Variants in GPC3 observed in about 807,000 individuals in gnomAD.
GPC3 encodes the protein glypican 3, also known as glypican-3.
A neutral mutation model predicts 34.4 loss-of-function variants in GPC3; 3 were observed. That is an observed-to-expected ratio of 0.09 (90% confidence interval 0.04 to 0.23). The LOEUF (loss-of-function observed/expected upper bound fraction) is 0.23. GPC3 is among the 10% of genes least tolerant of loss of function. GPC3 has a pLI of 1.00. For missense variants in GPC3, 351 were observed against 445.6 expected (o/e 0.79, Z 1.91); for synonymous variants, 177 against 174.0 (o/e 1.02, Z -0.13).
chrX:133,626,002 A>T (rs1025366604), intron 6 of GPC3, among the ~76,000 whole-genome samples: 2 of 111,932 alleles, frequency 1.8e-5, no homozygotes, highest in African/African-American at 6.5e-5. Context: ...GCCCTTAGAA[A>T]TAATATCACA....
At chrX:133,889,691 CAGTA>C (rs1226736617) in intron 2 of GPC3, among the ~76,000 whole-genome samples, 6 of 109,132 alleles carry the variant, frequency 5.5e-5, no homozygotes, top group African/African-American at 2.0e-4. Flanking sequence ...ACTATGTGCT[CAGTA>C]AGTAATTATG....
chrX:133,564,630 T>C (rs944847179), intron 7 of GPC3, among the ~76,000 whole-genome samples: 2 of 111,475 alleles, frequency 1.8e-5, no homozygotes, highest in African/African-American at 6.5e-5. Flanking sequence ...TGATTTGGGG[T>C]AAGTTATATA....
In GPC3 at chrX:133,884,197, T is replaced by C. The variant is rs201694449; in HGVS notation, c.337+68853A>G. On this transcript the variant is annotated intron_variant, in intron 2 of 7. Transcript: ENST00000370818. ...ATTTCAAAGTTTCATGAGCAAAAGA[T>C]GTGCAGCCACTTAACTGCGTTTACC... Among the ~76,000 whole-genome samples, 7 of 111,746 alleles carry C rather than the reference T, an allele frequency of 6.3e-5. No individual in the cohort carries two copies. In the East Asian group the frequency reaches 1.7e-3, roughly 27 times the overall value.
At chrX:133,851,286 G>A (rs1569444959) in intron 2 of GPC3, among the ~76,000 whole-genome samples, 1 of 111,622 alleles carries the variant, frequency 9.0e-6, no homozygotes, top group Non-Finnish European at 1.9e-5. Context: ...TTCTCATTGT[G>A]CCAAGGCCTT....
rs184063679 is a variant in GPC3 at position 133,754,689 on chromosome X, T to C, written c.338-513A>G. On this transcript the variant is annotated intron_variant, in intron 2 of 7. Coordinates refer to ENST00000370818, the MANE Select transcript of GPC3 (RefSeq NM_004484.4). The stretch of plus-strand genomic sequence containing the variant: ...AGTTCCTAGCCAAGAATAAAAGCTA[T>C]CACGAATTTAATCATTTTGGTAGAT... 4.8e-3 allele frequency among the ~76,000 whole-genome samples: 533 copies of C among 112,155 alleles called. 3 individuals carry two copies. The highest frequency in any genetic ancestry group is 9.1e-3 in the Non-Finnish European group (486 of 53,278).
chrX:133,548,973 C>T (rs2069409485), intron 7 of GPC3, among the ~76,000 whole-genome samples: 1 of 111,340 alleles, frequency 9.0e-6, no homozygotes, highest in Non-Finnish European at 1.9e-5. Flanking sequence ...TGTAAATTGC[C>T]CAGGCTCAGG....
At chrX:133,538,692 A>AGG (rs1443175216) in intron 7 of GPC3, among the ~76,000 whole-genome samples, 1 of 102,720 alleles carries the variant, frequency 9.7e-6, no homozygotes, top group Non-Finnish European at 2.0e-5. Context: ...TTTTTGAGAC[A>AGG]GGGTCTTTCT....
chrX:133,938,172 C>A (rs1392190828), intron 2 of GPC3, among the ~76,000 whole-genome samples: 1 of 112,051 alleles, frequency 8.9e-6, no homozygotes, highest in East Asian at 2.8e-4. Context: ...TGAGCACTCA[C>A]TATATACTAG....
rs185331461 is a variant in GPC3, at chrX:133,560,100, A to G, written c.1574-23807T>C. On this transcript the variant is annotated intron_variant, in intron 7 of 7. Transcript: ENST00000370818. The stretch of plus-strand genomic sequence containing the variant: ...ATTGCCGTCAGTGTCCTGTCACCCA[A>G]GGTTCACTGTGAATTCACTCAGGGT... Among the ~76,000 whole-genome samples, 15 of 112,069 alleles carry G rather than the reference A, an allele frequency of 1.3e-4. No individual in the cohort carries two copies. In the East Asian group the frequency reaches 3.4e-3, roughly 25 times the overall value.
At chrX:133,675,377 G>A (rs1312467644) in intron 5 of GPC3, among the ~76,000 whole-genome samples, 1 of 111,133 alleles carries the variant, frequency 9.0e-6, no homozygotes, top group African/African-American at 3.3e-5. Context: ...TCTGGAATTC[G>A]TTTTGTTCCT....
chrX:133,861,750 T>G (rs1034509435), intron 2 of GPC3, among the ~76,000 whole-genome samples: 2 of 110,635 alleles, frequency 1.8e-5, no homozygotes, highest in Non-Finnish European at 3.8e-5. Flanking sequence ...GTGTGGCACC[T>G]CCTCTCCCTC....
intron 4 of GPC3, among the ~76,000 whole-genome samples, chrX:133,698,043 G>A (rs1193651741): frequency 1.8e-5 from 2 of 112,180 alleles, no homozygotes; most frequent in Non-Finnish European, 3.8e-5. Flanking sequence ...CAGAAGCTTG[G>A]TATCTGTAGA....
chrX:133,822,403 A>G (rs2075724006), intron 2 of GPC3, among the ~76,000 whole-genome samples: 1 of 112,134 alleles, frequency 8.9e-6, no homozygotes, highest in Non-Finnish European at 1.9e-5. Flanking sequence ...TGAAAAGGTG[A>G]AAGTTCTTAA....
intron 3 of GPC3, among the ~76,000 whole-genome samples, chrX:133,740,592 T>C (rs2071554953): frequency 9.0e-6 from 1 of 111,607 alleles, no homozygotes; most frequent in African/African-American, 3.3e-5. Flanking sequence ...ATTAATAATT[T>C]GTTAAGAGGA....
At chrX:133,646,083 C>CAA (rs199725073) in intron 6 of GPC3, among the ~76,000 whole-genome samples, 2 of 58,296 alleles carry the variant, frequency 3.4e-5, no homozygotes, top group Non-Finnish European at 4.0e-5. Context: ...AAAACAAAGA[C>CAA]AAAAAAAAAA....
chrX:133,693,088 G>A (rs1487896687), intron 4 of GPC3, among the ~76,000 whole-genome samples: 1 of 110,680 alleles, frequency 9.0e-6, no homozygotes, highest in African/African-American at 3.3e-5. Context: ...AGGGAGCAGG[G>A]TGGGGGACAA....
At chrX:133,748,105 G>A (rs2071628238) in intron 3 of GPC3, among the ~76,000 whole-genome samples, 1 of 111,825 alleles carries the variant, frequency 8.9e-6, no homozygotes. Context: ...TCCAGGAGAG[G>A]GATAAACATC....
chrX:133,646,105 G>T lies in GPC3; in HGVS notation c.1413+15625C>A, dbSNP rs190862642. On this transcript the variant is annotated intron_variant, in intron 6 of 7. Transcript: ENST00000370818. Reference sequence around the variant, plus strand: ...AGACAAAAAAAAAAAAAAAAAGATTGTGAGTCCCTAGAAGCCAAGGGCAGT... The same window carrying T: ...AGACAAAAAAAAAAAAAAAAAGATTTTGAGTCCCTAGAAGCCAAGGGCAGT... Among the ~76,000 whole-genome samples the T allele has an allele frequency of 5.4e-3, 568 of 105,527 alleles. 6 individuals carry two copies. The highest frequency in any genetic ancestry group is 0.019 in the African/African-American group (538 of 29,019). The allele number at this position is 105,527 out of a possible 115,157, so 91.6% of individuals were successfully genotyped here. A position where few individuals can be genotyped will look rare whatever the true frequency, so the allele number is the denominator to read the frequency against.
At chrX:133,670,674 A>G (rs1248711582) in intron 5 of GPC3, among the ~76,000 whole-genome samples, 1 of 112,126 alleles carries the variant, frequency 8.9e-6, no homozygotes, top group Non-Finnish European at 1.9e-5. Flanking sequence ...TCTGGCCACA[A>G]CAATCACTGT....
Sources: gnomAD v4.1 joint callset for allele counts (sites outside exome capture counted in the v4.1 genomes callset) on GRCh38, gnomAD v4.1.1 for gene constraint, MANE v1.5 for transcripts, NCBI Gene and HGNC (gene_info 2026-07-23, HGNC 2026-07-21) for gene names.